TBC1D1: variants seen among roughly 807,000 people sequenced by gnomAD.
TBC1D1 encodes TBC1 (tre-2/USP6, BUB2, cdc16) domain family, member 1.
Under a neutral mutation model 125.6 loss-of-function variants are expected in TBC1D1, and 89 were observed. The ratio of observed to expected loss-of-function variants is 0.71; its 90% CI spans 0.60 to 0.85. TBC1D1 has a LOEUF of 0.85. TBC1D1 is among the 40% of genes least tolerant of loss of function. The probability of loss-of-function intolerance (pLI) is 0.00; values close to 1 mark genes in which losing one functional copy is unlikely to be tolerated. For synonymous variants in TBC1D1, 565 were observed against 564.1 expected (o/e 1.00, Z -0.02); for missense variants, 1,377 against 1,469.2 (o/e 0.94, Z 1.03).
rs565297024 is a variant in TBC1D1, at chr4:37,994,256, A to G, written c.418-20253A>G. On this transcript the variant is annotated intron_variant, in intron 2 of 19. Transcript: ENST00000261439. ...AGCTCTAGTTGAAAGAAAGGTTTTTATAATATATTCAAAGTGGAAATCTTT... is the reference window on the plus strand; with the variant it reads ...AGCTCTAGTTGAAAGAAAGGTTTTTGTAATATATTCAAAGTGGAAATCTTT... Among the ~76,000 whole-genome samples the G allele has an allele frequency of 9.8e-5, 15 of 152,348 alleles. 1 individual carries two copies. In the South Asian group the frequency reaches 3.1e-3, roughly 32 times the overall value.
At chr4:37,915,860 G>A (rs79283215) in intron 2 of TBC1D1, among the ~76,000 whole-genome samples, 2,670 of 152,194 alleles carry the variant, frequency 0.018, 82 homozygotes, top group African/African-American at 0.061. Context: ...TTTGTTCATG[G>A]GGTAATGGTC....
intron 2 of TBC1D1, among the ~76,000 whole-genome samples, chr4:37,988,254 T>G (rs1735853940): frequency 6.6e-6 from 1 of 152,166 alleles, no homozygotes; most frequent in Non-Finnish European, 1.5e-5. Flanking sequence ...ATGAGAACAT[T>G]GTGTTAAATG....
intron 6 of TBC1D1, among the ~76,000 whole-genome samples, chr4:38,026,465 C>G (rs1005786182): frequency 1.3e-5 from 2 of 152,202 alleles, no homozygotes; most frequent in Non-Finnish European, 2.9e-5. Flanking sequence ...TTCCAAGTCC[C>G]TGGCTCAGCA....
intron 3 of TBC1D1, among the ~76,000 whole-genome samples, chr4:38,017,927 T>C (rs1386720541): frequency 1.3e-5 from 2 of 152,256 alleles, no homozygotes; most frequent in Non-Finnish European, 2.9e-5. Context: ...CTAGTGTATG[T>C]GAATGCCTCA....
chr4:38,054,136 A>C, intron 11 of TBC1D1, 63 bp from the exon 14 acceptor site: 1 of 1,538,296 alleles, frequency 6.5e-7, no homozygotes, highest in Admixed American at 1.8e-5. Flanking sequence ...AAAAAATGTT[A>C]AGCTAACAAA....
chr4:38,083,956 G>A lies in TBC1D1; in HGVS notation c.2051-5976G>A, dbSNP rs1261796514. On this transcript the variant is annotated intron_variant, in intron 12 of 19. Coordinates refer to ENST00000261439, the MANE Select transcript of TBC1D1 (RefSeq NM_015173.4). ...TGTCTTTTTTTTTTTTTTTTTTCTT[G>A]AGACAGAGTCTCGCTCTGTCGCCCA... Among the ~76,000 whole-genome samples the A allele has an allele frequency of 8.3e-5, 5 of 59,884 alleles. No individual in the cohort carries two copies. The East Asian group carries it at 3.3e-3, about 39-fold the overall frequency. 39.3% of individuals were successfully genotyped at this position (59,884 alleles called of 152,430 possible).
At chr4:38,110,356 T>G (rs1223715005) in intron 15 of TBC1D1, 1 of 984,948 alleles carries the variant, frequency 1.0e-6, no homozygotes, top group East Asian at 1.1e-4. Flanking sequence ...ATGTGCAGGT[T>G]TAACAAGCCC....
chr4:38,092,850 A>G (rs1248239634), intron 13 of TBC1D1, among the ~76,000 whole-genome samples: 2 of 152,028 alleles, frequency 1.3e-5, no homozygotes, highest in Non-Finnish European at 2.9e-5. Context: ...CCAGCCCTGG[A>G]CCGAATGCCA....
intron 19 of TBC1D1, among the ~76,000 whole-genome samples, chr4:38,135,673 C>T (rs946937203): frequency 6.6e-6 from 1 of 152,126 alleles, no homozygotes; most frequent in Admixed American, 6.6e-5. Context: ...GAGAGATACC[C>T]CAAGTGGGAC....
chr4:38,050,470 G>T (rs1241352186), intron 11 of TBC1D1, among the ~76,000 whole-genome samples: 1 of 152,216 alleles, frequency 6.6e-6, no homozygotes, highest in African/African-American at 2.4e-5. Flanking sequence ...TTTATTCATT[G>T]TAATAGTTGG....
At chr4:37,909,823 T>C (rs1480200296) in intron 2 of TBC1D1, among the ~76,000 whole-genome samples, 3 of 152,208 alleles carry the variant, frequency 2.0e-5, no homozygotes, top group Non-Finnish European at 4.4e-5. Context: ...AATTTTCATT[T>C]GGGGTCCCAT....
At chr4:38,010,665 C>T (rs1741284543) in intron 2 of TBC1D1, among the ~76,000 whole-genome samples, 1 of 152,242 alleles carries the variant, frequency 6.6e-6, no homozygotes, top group African/African-American at 2.4e-5. Context: ...TACCACGCCC[C>T]ATCTTCAATA....
intron 2 of TBC1D1, among the ~76,000 whole-genome samples, chr4:37,929,087 G>A (rs769089972): frequency 4.6e-5 from 7 of 152,218 alleles, no homozygotes; most frequent in Non-Finnish European, 7.3e-5. Context: ...ACGGTTCAAT[G>A]CCAAACTGCA....
chr4:37,920,525 T>C (rs1720729178), intron 2 of TBC1D1, among the ~76,000 whole-genome samples: 1 of 152,104 alleles, frequency 6.6e-6, no homozygotes, highest in African/African-American at 2.4e-5. Context: ...GTAAAAGGAC[T>C]TGGAGGCGAG....
At chr4:38,017,808 T>C (rs1743092139) in intron 3 of TBC1D1, among the ~76,000 whole-genome samples, 1 of 152,114 alleles carries the variant, frequency 6.6e-6, no homozygotes, top group Non-Finnish European at 1.5e-5. Flanking sequence ...CAGAGTAGGT[T>C]GGGTATTGCA....
intron 17 of TBC1D1, among the ~76,000 whole-genome samples, chr4:38,119,496 A>G (rs1333981724): frequency 6.6e-6 from 1 of 151,904 alleles, no homozygotes; most frequent in Admixed American, 6.6e-5. Context: ...GTGAGAGTTC[A>G]TGAAGGTTTA....
At chr4:37,930,347 A>G (rs1268250988) in intron 2 of TBC1D1, among the ~76,000 whole-genome samples, 1 of 152,164 alleles carries the variant, frequency 6.6e-6, no homozygotes, top group Non-Finnish European at 1.5e-5. Flanking sequence ...TTTGAGACAG[A>G]GTCTCACTCT....
intron 7 of TBC1D1, among the ~76,000 whole-genome samples, chr4:38,031,041 T>A (rs1746026181): frequency 6.6e-6 from 1 of 152,186 alleles, no homozygotes; most frequent in Non-Finnish European, 1.5e-5. Flanking sequence ...TTTTTATTTA[T>A]GAGCGTTTTT....
intron 11 of TBC1D1, among the ~76,000 whole-genome samples, chr4:38,053,690 C>G (rs1751150508): frequency 6.6e-6 from 1 of 152,222 alleles, no homozygotes; most frequent in Non-Finnish European, 1.5e-5. Context: ...TTAAAAAATA[C>G]ACACGTTAAA....
Sources: gnomAD v4.1 joint callset for allele counts (sites outside exome capture counted in the v4.1 genomes callset) on GRCh38, gnomAD v4.1.1 for gene constraint, MANE v1.5 for transcripts, NCBI Gene and HGNC (gene_info 2026-07-23, HGNC 2026-07-21) for gene names.